Variants in PTPN4 observed in about 807,000 individuals in gnomAD.
PTPN4 encodes protein tyrosine phosphatase non-receptor type 4, also known as tyrosine-protein phosphatase non-receptor type 4.
PTPN4 carries 49 observed loss-of-function variants against 135.5 expected under a neutral mutation model. The ratio of observed to expected loss-of-function variants is 0.36; its 90% CI spans 0.29 to 0.46. PTPN4 has a LOEUF of 0.46. Among genes scored for constraint, PTPN4 ranks in the 20% least tolerant of loss-of-function variants. PTPN4 has a pLI of 1.00. For missense variants in PTPN4, 860 were observed against 1,101.0 expected (o/e 0.78, Z 3.10); for synonymous variants, 333 against 369.9 (o/e 0.90, Z 1.14).
At chr2:119,791,568 C>G (rs1262871417) in intron 1 of PTPN4, among the ~76,000 whole-genome samples, 1 of 152,114 alleles carries the variant, frequency 6.6e-6, no homozygotes, top group Non-Finnish European at 1.5e-5. Flanking sequence ...ATATGGTATT[C>G]TTTTTGATAG....
At chr2:119,930,824 T>C (rs1049223894) in intron 13 of PTPN4, among the ~76,000 whole-genome samples, 19 of 151,622 alleles carry the variant, frequency 1.3e-4, no homozygotes, top group African/African-American at 3.9e-4. Context: ...CCTTCCTTGG[T>C]AATTGTTTTT....
intron 9 of PTPN4, among the ~76,000 whole-genome samples, chr2:119,899,800 T>C (rs1004247802): frequency 3.3e-5 from 5 of 152,180 alleles, no homozygotes; most frequent in Non-Finnish European, 7.4e-5. Flanking sequence ...CAAATTAATA[T>C]ACACTGTTGC....
At chr2:119,866,065 A>G (rs1259118846) in intron 3 of PTPN4, among the ~76,000 whole-genome samples, 4 of 152,074 alleles carry the variant, frequency 2.6e-5, no homozygotes, top group African/African-American at 9.7e-5. Flanking sequence ...TTAGCATAAT[A>G]TCTTGTTGTA....
At chr2:119,827,160 G>A (rs772204713) in intron 2 of PTPN4, among the ~76,000 whole-genome samples, 1 of 152,160 alleles carries the variant, frequency 6.6e-6, no homozygotes, top group Admixed American at 6.5e-5. Context: ...TAAGTTGATA[G>A]TGTGCGTTGT....
chr2:119,935,435 C>T (rs757901785), intron 15 of PTPN4, among the ~76,000 whole-genome samples: 2 of 151,952 alleles, frequency 1.3e-5, no homozygotes, highest in South Asian at 2.1e-4. Flanking sequence ...ATAGTGAGTG[C>T]GATCAGGGGT....
intron 1 of PTPN4, chr2:119,771,625 T>C (rs1164257235): frequency 6.6e-6 from 1 of 152,228 alleles, no homozygotes; most frequent in Non-Finnish European, 1.5e-5. Flanking sequence ...TGTCTGGTAC[T>C]GTAAGCTCTG....
chr2:119,955,660 A>G (rs1303413855), intron 20 of PTPN4, among the ~76,000 whole-genome samples: 10 of 152,148 alleles, frequency 6.6e-5, no homozygotes, highest in Non-Finnish European at 1.5e-4. Flanking sequence ...GAGCTTGGCC[A>G]GGTGTGGTGG....
At chr2:119,851,427 G>A (rs1004401343) in intron 2 of PTPN4, among the ~76,000 whole-genome samples, 1 of 152,164 alleles carries the variant, frequency 6.6e-6, no homozygotes, top group Non-Finnish European at 1.5e-5. Flanking sequence ...CACCAAGAAG[G>A]TCAAGTGCCA....
chr2:119,955,888 G>C (rs1177574921), intron 20 of PTPN4, among the ~76,000 whole-genome samples: 1 of 151,958 alleles, frequency 6.6e-6, no homozygotes, highest in Non-Finnish European at 1.5e-5. Flanking sequence ...AGTGAGCTGA[G>C]ATCGCGCCAC....
At chr2:119,777,399 T>C (rs1690855887) in intron 1 of PTPN4, among the ~76,000 whole-genome samples, 1 of 152,176 alleles carries the variant, frequency 6.6e-6, no homozygotes, top group Admixed American at 6.5e-5. Context: ...CCTCACATTA[T>C]ACTATATATA....
chr2:119,915,175 C>A lies in PTPN4; in HGVS notation c.765-4C>A. On this transcript the variant is annotated splice_polypyrimidine_tract_variant and splice_region_variant and intron_variant, in intron 10 of 26. Coordinates refer to ENST00000263708, the MANE Select transcript of PTPN4 (RefSeq NM_002830.4). ...CTTTGAATAATTTATTGTCTTTTGT[C>A]CAGGTTGAAGATTGTAAAAATTTCT... 6.6e-7 allele frequency: 1 copy of A among 1,518,564 alleles called. No individual in the cohort carries two copies. Among genetic ancestry groups the A allele is most frequent in the Non-Finnish European group, 8.8e-7 (1 of 1,134,496 alleles). 94.1% of individuals were successfully genotyped at this position (1,518,564 alleles called of 1,614,324 possible). A position where few individuals can be genotyped will look rare whatever the true frequency, so the allele number is the denominator to read the frequency against.
At chr2:119,915,062 G>C (rs1678631525) in intron 10 of PTPN4, 117 bp from the exon 11 acceptor site, 1 of 828,014 alleles carries the variant, frequency 1.2e-6, no homozygotes. Flanking sequence ...CTATGTGTAT[G>C]TATATATGAT....
At chr2:119,814,519 C>T (rs1054730355) in intron 2 of PTPN4, among the ~76,000 whole-genome samples, 3 of 152,102 alleles carry the variant, frequency 2.0e-5, no homozygotes, top group African/African-American at 7.2e-5. Flanking sequence ...ATAATTTGTA[C>T]CCCTATTTCT....
intron 26 of PTPN4, among the ~76,000 whole-genome samples, chr2:119,971,489 C>G (rs1387475293): frequency 1.3e-5 from 2 of 152,176 alleles, no homozygotes; most frequent in Non-Finnish European, 1.5e-5. Flanking sequence ...TTTTGGAGAA[C>G]TGTTCAAATC....
chr2:119,835,198 T>G (rs2104965782), intron 2 of PTPN4, among the ~76,000 whole-genome samples: 1 of 152,304 alleles, frequency 6.6e-6, no homozygotes, highest in South Asian at 2.1e-4. Flanking sequence ...GTTATCTCTT[T>G]TTTTGAGACA....
At chr2:119,911,111 C>G (rs1000931598) in intron 10 of PTPN4, among the ~76,000 whole-genome samples, 1 of 151,998 alleles carries the variant, frequency 6.6e-6, no homozygotes. Flanking sequence ...AGAAGTGAGG[C>G]CAATTTTACA....
At chr2:119,804,293 ATTATAC>A (rs1261803764) in intron 1 of PTPN4, among the ~76,000 whole-genome samples, 2 of 151,444 alleles carry the variant, frequency 1.3e-5, no homozygotes, top group African/African-American at 4.9e-5. Context: ...TTTTTTTTTA[ATTATAC>A]TTTAAGTTCT....
chr2:119,837,955 C>T (rs750776936), intron 2 of PTPN4, among the ~76,000 whole-genome samples: 1 of 152,242 alleles, frequency 6.6e-6, no homozygotes, highest in East Asian at 1.9e-4. Context: ...GCCCACACAC[C>T]CCTCGCTGCT....
Position 119,925,481 on chromosome 2 carries a change from A to G in PTPN4, c.1002-1117A>G, listed in dbSNP as rs576455530. On this transcript the variant is annotated intron_variant, in intron 12 of 26. Coordinates refer to ENST00000263708, the MANE Select transcript of PTPN4 (RefSeq NM_002830.4). ...TATCCAAAGCACTTTTTAATCATCA[A>G]AGTGGTTAGACATCTTGTAAATGAA... 1.4e-4 allele frequency among the ~76,000 whole-genome samples: 21 copies of G among 146,224 alleles called. No homozygotes were observed. In the South Asian group the frequency reaches 2.4e-3, roughly 17 times the overall value.
Sources: gnomAD v4.1 joint callset for allele counts (sites outside exome capture counted in the v4.1 genomes callset) on GRCh38, gnomAD v4.1.1 for gene constraint, MANE v1.5 for transcripts, NCBI Gene and HGNC (gene_info 2026-07-23, HGNC 2026-07-21) for gene names.